HEATR5A: variants seen among roughly 807,000 people sequenced by gnomAD.
HEATR5A encodes HEAT repeat containing 5A, also known as HEAT repeat-containing protein 5A.
In HEATR5A, 178 loss-of-function variants were observed where a neutral mutation model predicts 218.8. The ratio of observed to expected loss-of-function variants is 0.81; its 90% CI spans 0.72 to 0.92. HEATR5A has a LOEUF of 0.92. HEATR5A is among the 40% of genes least tolerant of loss of function. HEATR5A has a pLI of 0.00. For missense variants in HEATR5A, 2,420 were observed against 2,418.9 expected (o/e 1.00, Z -0.01); for synonymous variants, 864 against 871.6 (o/e 0.99, Z 0.15).
rs181066365 is a variant in HEATR5A, at chr14:31,323,030, C to T, written c.3787+535G>A. On this transcript the variant is annotated intron_variant, in intron 24 of 35. Transcript: ENST00000543095. ...TGTTTTTTAGTTAATATCTATGATA[C>T]TAAAATAATCTGTAAGCAAAAACTG... 2.5e-4 allele frequency among the ~76,000 whole-genome samples: 38 copies of T among 152,056 alleles called. 2 individuals are homozygous for T. The East Asian group carries it at 6.6e-3, about 26-fold the overall frequency.
intron 6 of HEATR5A, 126 bp from the exon 7 acceptor site, chr14:31,389,131 T>A (rs1162668772): frequency 1.2e-6 from 1 of 841,034 alleles, no homozygotes; most frequent in Admixed American, 2.5e-5. Context: ...ATGCAAAATT[T>A]ACAGAACAGT....
At chr14:31,332,258 A>T (rs1389310585) in intron 22 of HEATR5A, among the ~76,000 whole-genome samples, 4 of 152,236 alleles carry the variant, frequency 2.6e-5, no homozygotes, top group Admixed American at 2.6e-4. Context: ...TTGGAGTGCC[A>T]CAAACTATGC....
At chr14:31,322,512 T>G (rs1900139123) in intron 24 of HEATR5A, among the ~76,000 whole-genome samples, 1 of 152,178 alleles carries the variant, frequency 6.6e-6, no homozygotes, top group Non-Finnish European at 1.5e-5. Flanking sequence ...AGAATACTTC[T>G]AAGGAATTTA....
chr14:31,392,633 T>G (rs2030495924), intron 6 of HEATR5A, among the ~76,000 whole-genome samples: 1 of 152,214 alleles, frequency 6.6e-6, no homozygotes, highest in Non-Finnish European at 1.5e-5. Flanking sequence ...GGCACCAGAC[T>G]CTCATATCCA....
In HEATR5A at chr14:31,336,212, A is replaced by C. The variant is rs1342941516; in HGVS notation, c.3367+1264T>G. Among the ~76,000 whole-genome samples the C allele has an allele frequency of 3.7e-4, 2 of 5,440 alleles. 1 individual carries two copies. The highest frequency in any genetic ancestry group is 1.5e-3 in the Non-Finnish European group (2 of 1,312). 3.6% of individuals were successfully genotyped at this position (5,440 alleles called of 152,430 possible). A position where few individuals can be genotyped will look rare whatever the true frequency, so the allele number is the denominator to read the frequency against. On this transcript the variant is annotated intron_variant, in intron 22 of 35. Transcript: ENST00000543095. ...CAGGGGGTTATTTTTATATATACATACATACATATATATATATATATATAT... is the reference window on the plus strand; with the variant it reads ...CAGGGGGTTATTTTTATATATACATCCATACATATATATATATATATATAT...
chr14:31,359,729 C>CAAAAAAAAAA (rs376157768), intron 14 of HEATR5A, among the ~76,000 whole-genome samples: 33 of 32,172 alleles, frequency 1.0e-3, no homozygotes, highest in Middle Eastern at 0.024. Context: ...CATCTCAAGA[C>CAAAAAAAAAA]AAAAAAAAAA....
intron 18 of HEATR5A, among the ~76,000 whole-genome samples, chr14:31,349,383 CAA>C (rs767175084): frequency 9.4e-5 from 13 of 138,964 alleles, no homozygotes; most frequent in African/African-American, 2.4e-4. Flanking sequence ...GACTCCGTCT[CAA>C]AAAAAAAAAA....
rs1359001279 is a variant in HEATR5A, at chr14:31,360,804, T to C, written c.2072-1747A>G. Among the ~76,000 whole-genome samples the C allele has an allele frequency of 3.3e-5, 5 of 152,178 alleles. No individual in the cohort carries two copies. The East Asian group carries it at 9.7e-4, about 29-fold the overall frequency. ...TCACTTTCTGTATCATTAGCAGCAG[T>C]AACAGTAGTAACAACAAATATTTAT... On this transcript the variant is annotated intron_variant, in intron 14 of 35. Transcript: ENST00000543095.
Position 31,400,374 on chromosome 14 carries a change from G to C in HEATR5A, c.265C>G (p.His89Asp). The C allele has an allele frequency of 6.5e-7, 1 of 1,535,660 alleles. No individual in the cohort carries two copies. The highest frequency in any genetic ancestry group is 2.4e-5 in the East Asian group (1 of 40,902). The change falls in exon 3 of 36, where the codon CAT becomes GAT. Residue 89 changes from histidine to aspartate, a missense_variant. By Grantham distance (81) the His-to-Asp change is moderately conservative. Transcript: ENST00000543095. ...TCATTACATTTATCGATTGCTTCAT[G>C]AACGGAGAATGTGTCTCCAATACTA... ...LYSIGDTFSV[H>D]EAIDKCNDLI...
intron 32 of HEATR5A, among the ~76,000 whole-genome samples, chr14:31,304,194 G>A (rs1026643976): frequency 2.0e-5 from 3 of 152,134 alleles, no homozygotes; most frequent in Non-Finnish European, 4.4e-5. Context: ...AGGTGACAGA[G>A]AAAGTACCTG....
chr14:31,418,453 T>C (rs930269947), intron 1 of HEATR5A, among the ~76,000 whole-genome samples: 1 of 152,196 alleles, frequency 6.6e-6, no homozygotes, highest in Non-Finnish European at 1.5e-5. Context: ...AAAACTTTTA[T>C]AAAACTGCCA....
intron 1 of HEATR5A, among the ~76,000 whole-genome samples, chr14:31,415,480 C>T (rs575996067): frequency 2.6e-5 from 4 of 152,190 alleles, no homozygotes; most frequent in African/African-American, 7.2e-5. Context: ...TATTCACATA[C>T]GATGGGATAA....
Position 31,352,819 on chromosome 14 carries a change from G to A in HEATR5A, c.2412-2102C>T, listed in dbSNP as rs539762009. On this transcript the variant is annotated intron_variant, in intron 16 of 35. Coordinates refer to ENST00000543095, the MANE Select transcript of HEATR5A (RefSeq NM_015473.4). ...TTAAAAATATAAAAACTAGCCAGGC[G>A]TGGTGGCATGTGCCTGTACTCCCAG... 1.4e-4 allele frequency among the ~76,000 whole-genome samples: 22 copies of A among 152,094 alleles called. 1 individual carries two copies. The South Asian group carries it at 2.9e-3, about 20-fold the overall frequency.
At chr14:31,313,229 CT>C (rs755166002) in intron 27 of HEATR5A, 39 bp from the exon 28 acceptor site, 1 of 1,490,160 alleles carries the variant, frequency 6.7e-7, no homozygotes, top group Non-Finnish European at 9.3e-7. Context: ...AATCTTTTAT[CT>C]GCTGAAAAGG....
At chr14:31,329,795 C>A (rs2139179871) in intron 22 of HEATR5A, among the ~76,000 whole-genome samples, 1 of 152,290 alleles carries the variant, frequency 6.6e-6, no homozygotes, top group East Asian at 1.9e-4. Context: ...TCACCGCAAC[C>A]TCCACCTCCT....
chr14:31,385,544 A>T (rs940793652), intron 9 of HEATR5A, among the ~76,000 whole-genome samples: 2 of 152,170 alleles, frequency 1.3e-5, no homozygotes, highest in Admixed American at 6.5e-5. Flanking sequence ...ATAGAGACAG[A>T]AAGTAAATTC....
At chr14:31,409,988 G>A (rs116680847) in intron 1 of HEATR5A, among the ~76,000 whole-genome samples, 3,794 of 152,174 alleles carry the variant, frequency 0.025, 180 homozygotes, top group Admixed American at 0.11. Flanking sequence ...TCATTTCAAG[G>A]GCGGAAAAGG....
At chr14:31,309,770 C>G (rs946435567) in intron 28 of HEATR5A, among the ~76,000 whole-genome samples, 1 of 151,232 alleles carries the variant, frequency 6.6e-6, no homozygotes, top group African/African-American at 2.4e-5. Flanking sequence ...GGCGTGATGT[C>G]GGCTCACTGC....
Position 31,364,226 on chromosome 14 carries a change from A to G in HEATR5A, c.2034T>C (p.Tyr678=). 1 of 1,552,990 alleles carries G rather than the reference A, an allele frequency of 6.4e-7. No homozygotes were observed. Among genetic ancestry groups the G allele is most frequent in the East Asian group, 2.3e-5 (1 of 42,614 alleles). ...CAGGAGGTAATAAAATCAACAGTTC[A>G]TAAAGTCTTTGTCTATAAACCACTG... ...TPSVVYRQRL[Y]ELLILLPPET... is the part of the protein sequence containing the mutation. The change falls in exon 14 of 36, where the codon TAT becomes TAC. Residue 678 remains tyrosine, a synonymous_variant. Transcript: ENST00000543095.
Sources: gnomAD v4.1 joint callset for allele counts (sites outside exome capture counted in the v4.1 genomes callset) on GRCh38, gnomAD v4.1.1 for gene constraint, MANE v1.5 for transcripts, NCBI Gene and HGNC (gene_info 2026-07-23, HGNC 2026-07-21) for gene names.